Variants in CSMD3 observed in about 807,000 individuals in gnomAD.
CSMD3 encodes CUB and Sushi multiple domains 3, also known as CUB and sushi domain-containing protein 3.
CSMD3 carries 177 observed loss-of-function variants against 435.2 expected under a neutral mutation model. The ratio of observed to expected loss-of-function variants is 0.41; its 90% confidence interval spans 0.36 to 0.46. CSMD3 has a LOEUF of 0.46. CSMD3 is among the 20% of genes least tolerant of loss of function. CSMD3 has a pLI of 0.34. For synonymous variants in CSMD3, 1,656 were observed against 1,520.5 expected (o/e 1.09, Z -2.07); for missense variants, 4,265 against 4,504.6 (o/e 0.95, Z 1.52).
intron 12 of CSMD3, among the ~76,000 whole-genome samples, chr8:112,815,160 A>G (rs1031370387): frequency 6.6e-6 from 1 of 152,144 alleles, no homozygotes; most frequent in African/African-American, 2.4e-5. Flanking sequence ...GGGCCAATGC[A>G]GTGGAAGAAT....
chr8:112,384,070 C>A (rs1198045035), intron 36 of CSMD3, among the ~76,000 whole-genome samples: 2 of 152,026 alleles, frequency 1.3e-5, no homozygotes, highest in East Asian at 3.9e-4. Flanking sequence ...AAAACCAGAT[C>A]TGTGGTCTAC....
At chr8:112,478,942 G>A (rs1320827809) in intron 31 of CSMD3, among the ~76,000 whole-genome samples, 1 of 152,114 alleles carries the variant, frequency 6.6e-6, no homozygotes, top group Non-Finnish European at 1.5e-5. Context: ...TATGCACAGA[G>A]GAGAGAACTG....
At chr8:112,463,162 G>GA (rs1385344035) in intron 32 of CSMD3, among the ~76,000 whole-genome samples, 1 of 152,156 alleles carries the variant, frequency 6.6e-6, no homozygotes, top group Non-Finnish European at 1.5e-5. Context: ...AGGAGTTCAA[G>GA]ACTAGCCTGA....
chr8:113,204,038 T>G (rs911493118), intron 3 of CSMD3, among the ~76,000 whole-genome samples: 1 of 152,144 alleles, frequency 6.6e-6, no homozygotes, highest in African/African-American at 2.4e-5. Flanking sequence ...AATCACCTCT[T>G]TTTTCACTTG....
chr8:113,318,467 C>T (rs1312210919), intron 1 of CSMD3, among the ~76,000 whole-genome samples: 2 of 151,996 alleles, frequency 1.3e-5, no homozygotes, highest in Middle Eastern at 3.2e-3. Flanking sequence ...TAACAAAAAT[C>T]CTTACTACAA....
intron 1 of CSMD3, among the ~76,000 whole-genome samples, chr8:113,432,940 A>G (rs2094684064): frequency 6.6e-6 from 1 of 152,152 alleles, no homozygotes; most frequent in Admixed American, 6.5e-5. Flanking sequence ...AGCAGCACAC[A>G]CGCACACACG....
At chr8:113,072,083 T>C (rs1230574914) in intron 5 of CSMD3, among the ~76,000 whole-genome samples, 1 of 151,810 alleles carries the variant, frequency 6.6e-6, no homozygotes, top group Non-Finnish European at 1.5e-5. Context: ...AGGAGATTTT[T>C]AAAAATTTCC....
At chr8:112,639,017 C>G in intron 20 of CSMD3, 106 bp from the exon 21 acceptor site, 1 of 762,676 alleles carries the variant, frequency 1.3e-6, no homozygotes, top group Non-Finnish European at 2.2e-6. Flanking sequence ...ATTAAATTTT[C>G]TGAAAATGAG....
At chr8:112,309,485 G>A (rs1026995285) in intron 50 of CSMD3, among the ~76,000 whole-genome samples, 9 of 151,700 alleles carry the variant, frequency 5.9e-5, no homozygotes, top group Non-Finnish European at 1.3e-4. Flanking sequence ...ATTCTATTAT[G>A]AAATTTGACA....
At chr8:113,112,454 TACACACACACACACACACGTACACACAC>T (rs2090684723) in intron 4 of CSMD3, among the ~76,000 whole-genome samples, 2 of 45,338 alleles carry the variant, frequency 4.4e-5, no homozygotes, top group Admixed American at 3.1e-4. Flanking sequence ...TATATGTATA[TACACACACACACACACACGTACACACAC>T]ACACACACAC....
rs187922031 is a variant in CSMD3 at position 112,623,301 on chromosome 8, G to A, written c.3715+13516C>T. The stretch of plus-strand genomic sequence containing the variant: ...ACTAATGTTATTCACTTTGCCTAGC[G>A]GGACTTTCTCATCTTTTCTATTTGG... On this transcript the variant is annotated intron_variant, in intron 22 of 70. Transcript: ENST00000297405. 7.9e-5 allele frequency among the ~76,000 whole-genome samples: 12 copies of A among 152,074 alleles called. No homozygotes were observed. The East Asian group carries it at 1.7e-3, about 22-fold the overall frequency.
At chr8:113,229,296 GAT>G (rs2093059993) in intron 3 of CSMD3, among the ~76,000 whole-genome samples, 1 of 151,566 alleles carries the variant, frequency 6.6e-6, no homozygotes, top group South Asian at 2.1e-4. Flanking sequence ...TTTGTTCAAA[GAT>G]ATGTTGAAGG....
chr8:113,321,525 G>A (rs2093949389), intron 1 of CSMD3, among the ~76,000 whole-genome samples: 2 of 151,720 alleles, frequency 1.3e-5, no homozygotes, highest in African/African-American at 4.8e-5. Flanking sequence ...TTTCTTTATT[G>A]ATACTTCTGT....
At position 112,223,836 on chromosome 8, in the gene CSMD3, T is replaced by C. The variant is rs1812348728; in HGVS notation, c.*935A>G. ...TAGAGTAGATTATTAGGACATTTTA[T>C]TTGGTCGATCAAAAATATTGTAAAA... is the stretch of plus-strand genomic sequence containing the variant. On this transcript the variant is annotated 3_prime_UTR_variant, in exon 71 of 71. Coordinates refer to ENST00000297405, the MANE Select transcript of CSMD3 (RefSeq NM_198123.2). 1 of 152,140 alleles carries C rather than the reference T, an allele frequency of 6.6e-6. No individual in the cohort carries two copies. The highest frequency in any genetic ancestry group is 1.5e-5 in the Non-Finnish European group (1 of 68,004). 9.4% of individuals were successfully genotyped at this position (152,140 alleles called of 1,614,324 possible).
At chr8:113,336,211 T>C (rs1001547203) in intron 1 of CSMD3, among the ~76,000 whole-genome samples, 2 of 152,126 alleles carry the variant, frequency 1.3e-5, no homozygotes, top group African/African-American at 2.4e-5. Context: ...ATCCCAATAA[T>C]TGAGCTTTTC....
At chr8:112,668,803 A>G (rs1246956451) in intron 16 of CSMD3, among the ~76,000 whole-genome samples, 2 of 151,870 alleles carry the variant, frequency 1.3e-5, no homozygotes, top group Non-Finnish European at 2.9e-5. Flanking sequence ...CGGTCAGCAA[A>G]AGTCTCATCA....
intron 3 of CSMD3, among the ~76,000 whole-genome samples, chr8:113,213,639 T>C (rs2092866177): frequency 6.6e-6 from 1 of 152,018 alleles, no homozygotes; most frequent in Non-Finnish European, 1.5e-5. Context: ...TTGAGTATAA[T>C]CTGAAGATTA....
intron 13 of CSMD3, among the ~76,000 whole-genome samples, chr8:112,757,290 C>T (rs2077722740): frequency 6.6e-6 from 1 of 151,764 alleles, no homozygotes; most frequent in Admixed American, 6.6e-5. Context: ...CAAAATAATG[C>T]TTGGTTTAAG....
At chr8:112,691,261 T>C (rs1031892947) in intron 13 of CSMD3, among the ~76,000 whole-genome samples, 1 of 152,156 alleles carries the variant, frequency 6.6e-6, no homozygotes, top group Admixed American at 6.6e-5. Context: ...CTGGATTTGA[T>C]TTTATATTTT....
Sources: allele counts gnomAD v4.1 joint callset (sites outside exome capture counted in the v4.1 genomes callset), GRCh38; gene constraint gnomAD v4.1.1; transcripts MANE v1.5; gene names NCBI Gene and HGNC (gene_info 2026-07-23, HGNC 2026-07-21).